ADAMTS19: variants seen among roughly 807,000 people sequenced by gnomAD.
ADAMTS19 encodes ADAM metallopeptidase with thrombospondin type 1 motif 19, also known as A disintegrin and metalloproteinase with thrombospondin motifs 19.
Under a neutral mutation model 153.3 loss-of-function variants are expected in ADAMTS19, and 93 were observed. The ratio of observed to expected loss-of-function variants is 0.61; its 90% CI spans 0.51 to 0.72. The LOEUF (loss-of-function observed/expected upper bound fraction) is 0.72. Among genes scored for constraint, ADAMTS19 ranks in the 30% least tolerant of loss-of-function variants. ADAMTS19 has a pLI of 0.00. For missense variants in ADAMTS19, 1,482 were observed against 1,552.1 expected (o/e 0.95, Z 0.76); for synonymous variants, 600 against 556.6 (o/e 1.08, Z -1.10).
At chr5:129,627,186 A>G (rs971551042) in intron 10 of ADAMTS19, among the ~76,000 whole-genome samples, 1 of 152,120 alleles carries the variant, frequency 6.6e-6, no homozygotes, top group Non-Finnish European at 1.5e-5. Context: ...GTGAGTTAGA[A>G]AAGTTTCAAG....
intron 8 of ADAMTS19, among the ~76,000 whole-genome samples, chr5:129,599,888 TA>T (rs557136200): frequency 4.5e-4 from 69 of 152,302 alleles, no homozygotes; most frequent in African/African-American, 1.7e-3. Flanking sequence ...TATGTTAAAC[TA>T]CCCCTTTACT....
At chr5:129,513,052 A>C (rs1751490929) in intron 3 of ADAMTS19, among the ~76,000 whole-genome samples, 1 of 151,958 alleles carries the variant, frequency 6.6e-6, no homozygotes, top group African/African-American at 2.4e-5. Context: ...AGTAACTTCT[A>C]TTCAGATGTC....
At chr5:129,530,246 C>T (rs1295558240) in intron 6 of ADAMTS19, among the ~76,000 whole-genome samples, 1 of 152,076 alleles carries the variant, frequency 6.6e-6, no homozygotes, top group Non-Finnish European at 1.5e-5. Context: ...AGAAACTGAC[C>T]TCAAGATAGC....
intron 15 of ADAMTS19, among the ~76,000 whole-genome samples, chr5:129,661,675 C>T (rs779905548): frequency 1.4e-4 from 22 of 152,070 alleles, no homozygotes; most frequent in Admixed American, 4.6e-4. Flanking sequence ...TCATGTCTTC[C>T]ATTGTAACTT....
rs191107413 is a variant in ADAMTS19, at chr5:129,711,369, A to C, written c.3312+6978A>C. On this transcript the variant is annotated intron_variant, in intron 21 of 22. Transcript: ENST00000274487. ...GAATGTCATTATTTTTATAAGATCA[A>C]ATACATATTAATCTGACAATTCTTG... 1.9e-3 allele frequency among the ~76,000 whole-genome samples: 296 copies of C among 152,282 alleles called. 4 individuals carry two copies. The highest frequency in any genetic ancestry group is 6.1e-3 in the African/African-American group (254 of 41,560).
At position 129,616,863 on chromosome 5, in the gene ADAMTS19, T is replaced by C. The variant is rs138177668; in HGVS notation, c.1479-3755T>C. On this transcript the variant is annotated intron_variant, in intron 8 of 22. Transcript: ENST00000274487. Reference sequence around the variant, plus strand: ...AAAGAACAGAGGCATTTAAAATTATTCAGAAAACAATAAATCATCTCCAAA... The same window carrying C: ...AAAGAACAGAGGCATTTAAAATTATCCAGAAAACAATAAATCATCTCCAAA... Among the ~76,000 whole-genome samples the C allele has an allele frequency of 2.8e-3, 423 of 152,156 alleles. 1 individual carries two copies. Among genetic ancestry groups the C allele is most frequent in the African/African-American group, 9.2e-3 (381 of 41,548 alleles).
chr5:129,461,484 G>T lies in ADAMTS19; in HGVS notation c.474G>T (p.Pro158=). 1 of 1,478,226 alleles carries T rather than the reference G, an allele frequency of 6.8e-7. No homozygotes were observed. The highest frequency in any genetic ancestry group is 8.9e-7 in the Non-Finnish European group (1 of 1,123,308). The allele number at this position is 1,478,226 out of a possible 1,614,324, so 91.6% of individuals were successfully genotyped here. A position where few individuals can be genotyped will look rare whatever the true frequency, so the allele number is the denominator to read the frequency against. Residue 158 remains proline, a synonymous_variant, in exon 2 of 23, where the codon CCG becomes CCT. Transcript: ENST00000274487. This position sits in a 1 kb window ranked among gnomAD's most constrained non-coding sequence, Gnocchi z 4.6. The part of the protein sequence containing the change: ...PPPPPQPPPS[P]PPAQHAEPDG... ...CTCCCCCGCAGCCGCCCCCGTCCCC[G>T]CCCCCGGCCCAGCATGCCGAGCCGG...
intron 7 of ADAMTS19, among the ~76,000 whole-genome samples, chr5:129,577,736 C>A (rs1211374176): frequency 6.6e-6 from 1 of 151,870 alleles, no homozygotes; most frequent in African/African-American, 2.4e-5. Flanking sequence ...TTTTGTATTT[C>A]TTTTTTTGAC....
At chr5:129,483,934 A>G (rs1211811068) in intron 2 of ADAMTS19, among the ~76,000 whole-genome samples, 2 of 152,298 alleles carry the variant, frequency 1.3e-5, no homozygotes, top group Non-Finnish European at 1.5e-5. Context: ...TTGCGTTATT[A>G]AAAGTTTTAT....
At chr5:129,463,518 G>A (rs1292930035) in intron 2 of ADAMTS19, among the ~76,000 whole-genome samples, 4 of 152,134 alleles carry the variant, frequency 2.6e-5, no homozygotes, top group Non-Finnish European at 5.9e-5. Context: ...TTCTAAACTG[G>A]GAAGTCTTTG....
chr5:129,580,327 G>T (rs935754752), intron 7 of ADAMTS19, among the ~76,000 whole-genome samples: 4 of 152,186 alleles, frequency 2.6e-5, no homozygotes, highest in African/African-American at 9.6e-5. Context: ...ACCTTAAGGA[G>T]ATTTTGGGCT....
At chr5:129,637,332 C>A (rs1246753040) in intron 10 of ADAMTS19, among the ~76,000 whole-genome samples, 2 of 152,122 alleles carry the variant, frequency 1.3e-5, no homozygotes, top group Non-Finnish European at 1.5e-5. Context: ...ATCAAACTTA[C>A]CTGTATTCTG....
At chr5:129,564,238 T>A (rs763733513) in intron 7 of ADAMTS19, among the ~76,000 whole-genome samples, 11 of 152,204 alleles carry the variant, frequency 7.2e-5, no homozygotes, top group Non-Finnish European at 1.3e-4. Context: ...ATATTGACTT[T>A]GGCCTTGTGA....
At chr5:129,581,651 ATTTG>A (rs1238219055) in intron 7 of ADAMTS19, among the ~76,000 whole-genome samples, 1 of 151,258 alleles carries the variant, frequency 6.6e-6, no homozygotes, top group Non-Finnish European at 1.5e-5. Context: ...TAGCTTTTGA[ATTTG>A]TTTGCTTCTT....
At chr5:129,481,756 G>A (rs571687499) in intron 2 of ADAMTS19, among the ~76,000 whole-genome samples, 3 of 152,202 alleles carry the variant, frequency 2.0e-5, no homozygotes, top group Non-Finnish European at 4.4e-5. Flanking sequence ...CCCAGTTCCC[G>A]AACCCTCCCC....
chr5:129,725,328 GTTC>G (rs1757162450), intron 21 of ADAMTS19, among the ~76,000 whole-genome samples: 1 of 152,044 alleles, frequency 6.6e-6, no homozygotes. Flanking sequence ...CTTCTCCCCA[GTTC>G]TTCTTTTGGG....
intron 7 of ADAMTS19, among the ~76,000 whole-genome samples, chr5:129,594,372 C>G (rs971708086): frequency 6.6e-6 from 1 of 151,970 alleles, no homozygotes; most frequent in African/African-American, 2.4e-5. Flanking sequence ...GGTGGTGGGA[C>G]TGTTCTAGCT....
In ADAMTS19 at chr5:129,670,605, C is replaced by A. The variant is rs149791015; in HGVS notation, c.2506+5026C>A. The stretch of plus-strand genomic sequence containing the variant: ...ACCATGCTGCCTCCTTTTTAGTTTT[C>A]TTATTTTAAGTAATTGTCGTCCATG... On this transcript the variant is annotated intron_variant, in intron 16 of 22. Transcript: ENST00000274487. Among the ~76,000 whole-genome samples the A allele has an allele frequency of 2.5e-3, 385 of 152,176 alleles. 1 individual carries two copies. Among genetic ancestry groups the A allele is most frequent in the African/African-American group, 7.6e-3 (315 of 41,546 alleles).
In ADAMTS19 at chr5:129,701,512, A is replaced by C; in HGVS notation, c.3079A>C (p.Ile1027Leu). ...GATTAGAGCCCGAGAGAGGGACTGC[A>C]TTGGGCCCAAGCCCGCCTCTGCCCA... ...TLIRARERDC[I>L]GPKPASAQRC... Residue 1027 changes from isoleucine to leucine, a missense_variant, in exon 20 of 23, where the codon ATT becomes CTT. Coordinates refer to ENST00000274487, the MANE Select transcript of ADAMTS19 (RefSeq NM_133638.6). 1.9e-6 allele frequency: 3 copies of C among 1,614,142 alleles called. No individual in the cohort carries two copies. The highest frequency in any genetic ancestry group is 2.5e-6 in the Non-Finnish European group (3 of 1,180,028).
Sources: gnomAD v4.1 joint callset for allele counts (sites outside exome capture counted in the v4.1 genomes callset) on GRCh38, gnomAD v4.1.1 for gene constraint, Gnocchi (gnomAD v3.1) non-coding constraint, MANE v1.5 for transcripts, NCBI Gene and HGNC (gene_info 2026-07-23, HGNC 2026-07-21) for gene names.